Variants in ETS1 observed in about 807,000 individuals in gnomAD.
ETS1 encodes protein C-ets-1.
A neutral mutation model predicts 58.6 loss-of-function variants in ETS1; 15 were observed. That is an observed-to-expected ratio of 0.26 (90% CI 0.17 to 0.39). The LOEUF is 0.39. Ranked by LOEUF, ETS1 falls within the 10% of genes least tolerant of loss-of-function variation. The pLI is 1.00. For missense variants in ETS1, 417 were observed against 610.5 expected (o/e 0.68, Z 3.34); for synonymous variants, 214 against 218.2 (o/e 0.98, Z 0.17).
chr11:128,573,495 G>C (rs1354373756), intron 1 of ETS1, among the ~76,000 whole-genome samples: 1 of 152,056 alleles, frequency 6.6e-6, no homozygotes, highest in Non-Finnish European at 1.5e-5. Flanking sequence ...CCCACAACCA[G>C]GCCTGGCAGA....
intron 3 of ETS1, chr11:128,522,429 G>A (rs868821870): frequency 4.9e-5 from 40 of 823,928 alleles, no homozygotes; most frequent in South Asian, 2.8e-4. Context: ...ATGTCCGCTT[G>A]GGGGAGCGAG....
At chr11:128,479,692 C>T (rs955783340) in intron 8 of ETS1, among the ~76,000 whole-genome samples, 18 of 152,248 alleles carry the variant, frequency 1.2e-4, no homozygotes, top group Non-Finnish European at 2.4e-4. Flanking sequence ...CTGGACAGGG[C>T]GTAGTGCCAC....
At chr11:128,557,552 A>T (rs924632355) in intron 2 of ETS1, among the ~76,000 whole-genome samples, 2 of 152,252 alleles carry the variant, frequency 1.3e-5, no homozygotes, top group South Asian at 2.1e-4. Context: ...ACATTCCTGG[A>T]AATGGCCACA....
chr11:128,581,108 T>G (rs1591679528), intron 1 of ETS1, among the ~76,000 whole-genome samples: 1 of 152,362 alleles, frequency 6.6e-6, no homozygotes, highest in East Asian at 1.9e-4. Flanking sequence ...CTTCATAGAT[T>G]ATTTTATGCA....
chr11:128,546,338 G>C (rs1015132167), intron 3 of ETS1, among the ~76,000 whole-genome samples: 3 of 152,240 alleles, frequency 2.0e-5, no homozygotes, highest in Non-Finnish European at 1.5e-5. Context: ...TGCACTGAAA[G>C]AGTCTGTAGC....
At chr11:128,473,667 G>C (rs1862246647) in intron 8 of ETS1, among the ~76,000 whole-genome samples, 1 of 152,216 alleles carries the variant, frequency 6.6e-6, no homozygotes, top group Non-Finnish European at 1.5e-5. Context: ...CTGATGGGGT[G>C]CTGATGAGTG....
At chr11:128,547,511 A>C (rs1161723097) in intron 3 of ETS1, among the ~76,000 whole-genome samples, 7 of 152,258 alleles carry the variant, frequency 4.6e-5, no homozygotes, top group African/African-American at 1.7e-4. Context: ...AAAATGGCAA[A>C]GGCAACTGGA....
intron 3 of ETS1, chr11:128,527,473 G>C (rs1200685888): frequency 6.4e-6 from 1 of 155,716 alleles, no homozygotes; most frequent in African/African-American, 2.4e-5. Context: ...ACTCAGTGTT[G>C]TGTGCTTCCC....
At chr11:128,545,976 T>C (rs766534426) in intron 3 of ETS1, among the ~76,000 whole-genome samples, 15 of 152,190 alleles carry the variant, frequency 9.9e-5, no homozygotes, top group Non-Finnish European at 2.2e-4. Flanking sequence ...TGTATTCAAC[T>C]CTCCAGGAAC....
intron 2 of ETS1, among the ~76,000 whole-genome samples, chr11:128,556,992 C>T (rs752452763): frequency 1.3e-5 from 2 of 152,216 alleles, no homozygotes; most frequent in Non-Finnish European, 2.9e-5. Flanking sequence ...ACTTGTGCCA[C>T]ACTCTTAGTA....
intron 2 of ETS1, among the ~76,000 whole-genome samples, chr11:128,567,378 G>T (rs148087026): frequency 4.5e-4 from 69 of 152,306 alleles, no homozygotes; most frequent in African/African-American, 1.5e-3. Flanking sequence ...CAATACCCTT[G>T]ATTTCACAAT....
rs1864574645 is a variant in ETS1 at position 128,569,318 on chromosome 11, C to CTTCTTTTTTTTTT, written c.69+3743_69+3744insAAAAAAAAAAGAA. On this transcript the variant is annotated intron_variant, in intron 2 of 9. Coordinates refer to ENST00000392668, the MANE Select transcript of ETS1 (RefSeq NM_001143820.2). ...TACCATACATGGGACAGAGTTTCTT[C>CTTCTTTTTTTTTT]TTTTTTTTTTTTTTTTTTTTTTTTG... Among the ~76,000 whole-genome samples the CTTCTTTTTTTTTT allele has an allele frequency of 1.8e-3, 72 of 39,484 alleles. 5 individuals carry two copies. The highest frequency in any genetic ancestry group is 3.0e-3 in the Non-Finnish European group (68 of 22,454). 25.9% of individuals were successfully genotyped at this position (39,484 alleles called of 152,430 possible).
intron 3 of ETS1, among the ~76,000 whole-genome samples, chr11:128,519,382 A>C (rs554034637): frequency 6.6e-6 from 1 of 152,330 alleles, no homozygotes; most frequent in East Asian, 1.9e-4. Flanking sequence ...ATTCTGGTTT[A>C]ATCATTTAAG....
chr11:128,539,171 C>G (rs903926412), intron 3 of ETS1, among the ~76,000 whole-genome samples: 4 of 152,152 alleles, frequency 2.6e-5, no homozygotes, highest in East Asian at 3.8e-4. Context: ...GCTAAAAGCA[C>G]TAGAAAAACA....
At chr11:128,500,122 T>C (rs1591620832) in intron 3 of ETS1, among the ~76,000 whole-genome samples, 1 of 151,608 alleles carries the variant, frequency 6.6e-6, no homozygotes, top group Non-Finnish European at 1.5e-5. Context: ...GCTAGGAAGG[T>C]GGTGCAGTGG....
At chr11:128,528,267 T>C (rs1033644849) in intron 3 of ETS1, among the ~76,000 whole-genome samples, 2 of 152,158 alleles carry the variant, frequency 1.3e-5, no homozygotes, top group African/African-American at 4.8e-5. Context: ...AACAGATCAA[T>C]GGGAGGTCCT....
intron 5 of ETS1, among the ~76,000 whole-genome samples, chr11:128,486,432 A>C (rs917510117): frequency 6.6e-6 from 1 of 152,214 alleles, no homozygotes; most frequent in Non-Finnish European, 1.5e-5. Flanking sequence ...GGCATTCAGC[A>C]TTCATTCTCA....
intron 3 of ETS1, among the ~76,000 whole-genome samples, chr11:128,496,484 C>T (rs1862944625): frequency 6.6e-6 from 1 of 152,100 alleles, no homozygotes; most frequent in Admixed American, 6.6e-5. Context: ...GCCAAACTGC[C>T]GACAACAAGT....
chr11:128,475,661 C>T (rs774394074), intron 8 of ETS1, among the ~76,000 whole-genome samples: 6 of 149,902 alleles, frequency 4.0e-5, no homozygotes, highest in Non-Finnish European at 8.9e-5. Context: ...ACAGCATTCT[C>T]CTGCCTCAGC....
Sources: allele counts gnomAD v4.1 joint callset (sites outside exome capture counted in the v4.1 genomes callset), GRCh38; gene constraint gnomAD v4.1.1; transcripts MANE v1.5; gene names NCBI Gene and HGNC (gene_info 2026-07-23, HGNC 2026-07-21).